The following NR2F1-AS1 variants were observed in gnomAD, a reference collection of about 807,000 sequenced individuals.
NR2F1-AS1 encodes the protein NR2F1 regulatory antisense RNA 1, also known as NR2F1 antisense RNA 1.
intron 4 of NR2F1-AS1, among the ~76,000 whole-genome samples, chr5:93,526,656 G>C (rs1405635955): frequency 1.3e-5 from 2 of 152,110 alleles, no homozygotes; most frequent in Non-Finnish European, 1.5e-5. Context: ...CCACAATCAA[G>C]TTGGTTTCAT....
At chr5:93,564,378 A>G (rs1475169481) in intron 1 of NR2F1-AS1, among the ~76,000 whole-genome samples, 1 of 152,118 alleles carries the variant, frequency 6.6e-6, no homozygotes. Context: ...ATTTTTTCAT[A>G]GGACAGACAT....
At chr5:93,486,357 T>C (rs1750717121) in intron 4 of NR2F1-AS1, among the ~76,000 whole-genome samples, 1 of 151,956 alleles carries the variant, frequency 6.6e-6, no homozygotes, top group Admixed American at 6.6e-5. Context: ...GCCAGACTAA[T>C]ACAGAAGAAA....
At chr5:93,572,713 G>A (rs938380607) in intron 1 of NR2F1-AS1, among the ~76,000 whole-genome samples, 1 of 152,224 alleles carries the variant, frequency 6.6e-6, no homozygotes. Context: ...GTGTTTGGGG[G>A]TGGTTGTTGT....
chr5:93,491,045 T>C (rs1005424736), intron 4 of NR2F1-AS1, among the ~76,000 whole-genome samples: 5 of 148,702 alleles, frequency 3.4e-5, no homozygotes, highest in African/African-American at 1.2e-4. Context: ...GCTGTGGTGG[T>C]GGTGGTGGCG....
In NR2F1-AS1 at chr5:93,458,701, A is replaced by G. The variant is rs550732508; in HGVS notation, n.639-63159T>C. Among the ~76,000 whole-genome samples, 25 of 152,310 alleles carry G rather than the reference A, an allele frequency of 1.6e-4. No homozygotes were observed. In the South Asian group the frequency reaches 5.2e-3, roughly 32 times the overall value. ...CTAAAGTAAAAACTTTTGTTTTTCA[A>G]AAAACCGTTAAGAAAACAAAAGCAC... On this transcript the variant is annotated intron_variant and non_coding_transcript_variant, in intron 4 of 5. Coordinates refer to ENST00000660523, the Ensembl canonical transcript of NR2F1-AS1.
intron 4 of NR2F1-AS1, chr5:93,432,529 C>A (rs1202613242): frequency 6.6e-6 from 1 of 152,240 alleles, no homozygotes; most frequent in Non-Finnish European, 1.5e-5. Context: ...ACAACAAACA[C>A]TTCTTCCTGA....
intron 4 of NR2F1-AS1, among the ~76,000 whole-genome samples, chr5:93,481,701 C>G (rs61354723): frequency 0.015 from 2,204 of 151,854 alleles, 63 homozygotes; most frequent in African/African-American, 0.05. Context: ...TAAATCACAC[C>G]AAGTATCTTC....
chr5:93,542,520 G>A (rs912243959), intron 4 of NR2F1-AS1: 9 of 152,146 alleles, frequency 5.9e-5, no homozygotes, highest in African/African-American at 1.7e-4. Flanking sequence ...ATGTCCCCTA[G>A]GGGAAAAAAA....
intron 4 of NR2F1-AS1, among the ~76,000 whole-genome samples, chr5:93,444,195 T>G (rs1749639619): frequency 6.6e-6 from 1 of 152,138 alleles, no homozygotes. Context: ...AATTCACACA[T>G]AACAATATTA....
intron 1 of NR2F1-AS1, chr5:93,570,667 C>G (rs574405340): frequency 1.3e-5 from 2 of 152,314 alleles, no homozygotes; most frequent in Non-Finnish European, 2.9e-5. Context: ...TTTGTCCCTC[C>G]GGCCTTCTCA....
intron 4 of NR2F1-AS1, among the ~76,000 whole-genome samples, chr5:93,417,787 C>A (rs770123444): frequency 2.6e-5 from 4 of 152,140 alleles, no homozygotes; most frequent in Middle Eastern, 3.2e-3. Flanking sequence ...GAAACATGTA[C>A]AAGATATGAC....
chr5:93,456,763 T>C (rs1316538662), intron 4 of NR2F1-AS1, among the ~76,000 whole-genome samples: 2 of 152,032 alleles, frequency 1.3e-5, no homozygotes, highest in East Asian at 3.9e-4. Context: ...TCAGTATTTA[T>C]TCATTAGTAT....
intron 1 of NR2F1-AS1, among the ~76,000 whole-genome samples, chr5:93,572,541 G>A (rs182084682): frequency 1.9e-3 from 287 of 152,294 alleles, no homozygotes; most frequent in African/African-American, 6.5e-3. Context: ...ACGCAACAAC[G>A]CGCTGTCAGC....
chr5:93,441,735 G>A (rs1301408418), intron 4 of NR2F1-AS1, among the ~76,000 whole-genome samples: 1 of 152,194 alleles, frequency 6.6e-6, no homozygotes, highest in African/African-American at 2.4e-5. Flanking sequence ...AAAGCTTCCT[G>A]AGCCTTGGCT....
At chr5:93,484,130 A>T (rs1750664421) in intron 4 of NR2F1-AS1, among the ~76,000 whole-genome samples, 1 of 152,166 alleles carries the variant, frequency 6.6e-6, no homozygotes, top group South Asian at 2.1e-4. Context: ...GAGAAGAGCA[A>T]CCCCAAGACA....
At chr5:93,498,342 A>T (rs1751008387) in intron 4 of NR2F1-AS1, among the ~76,000 whole-genome samples, 1 of 152,084 alleles carries the variant, frequency 6.6e-6, no homozygotes, top group Non-Finnish European at 1.5e-5. Context: ...AAAACATTTT[A>T]TATGATAAAG....
chr5:93,442,503 G>A (rs550164394), intron 4 of NR2F1-AS1, among the ~76,000 whole-genome samples: 5 of 152,292 alleles, frequency 3.3e-5, no homozygotes, highest in South Asian at 2.1e-4. Context: ...AGGGGCACCC[G>A]ACATTGCTGA....
At position 93,529,393 on chromosome 5, in the gene NR2F1-AS1, C is replaced by T. The variant is rs977152881; in HGVS notation, n.638+24368G>A. Among the ~76,000 whole-genome samples the T allele has an allele frequency of 5.9e-5, 9 of 152,238 alleles. No individual in the cohort carries two copies. In the South Asian group the frequency reaches 1.0e-3, roughly 18 times the overall value. ...GTAGTAACCACCACTGTCTTAGTAA[C>T]GCTTGGATTACAGACATAGTGAAAA... On this transcript the variant is annotated intron_variant and non_coding_transcript_variant, in intron 4 of 5. Transcript: ENST00000660523.
chr5:93,517,981 A>C (rs1360242652), intron 4 of NR2F1-AS1, among the ~76,000 whole-genome samples: 1 of 152,026 alleles, frequency 6.6e-6, no homozygotes, highest in African/African-American at 2.4e-5. Flanking sequence ...TTTTTCAAAG[A>C]GACAAGGTCT....
Sources: gnomAD v4.1 joint callset for allele counts (sites outside exome capture counted in the v4.1 genomes callset) on GRCh38, gnomAD v4.1.1 for gene constraint, MANE v1.5 for transcripts, NCBI Gene and HGNC (gene_info 2026-07-23, HGNC 2026-07-21) for gene names.